The following CACYBP variants were observed in gnomAD, a reference collection of about 807,000 sequenced individuals.
The protein encoded by CACYBP is calcyclin-binding protein.
Under a neutral mutation model 29.6 loss-of-function variants are expected in CACYBP, and 11 were observed. That is an observed-to-expected ratio of 0.37 (90% confidence interval 0.23 to 0.61). The LOEUF is 0.61. Among genes scored for constraint, CACYBP ranks in the 20% least tolerant of loss-of-function variants. CACYBP has a pLI of 0.65. For missense variants in CACYBP, 163 were observed against 260.7 expected (o/e 0.63, Z 2.58); for synonymous variants, 73 against 88.3 (o/e 0.83, Z 0.97).
intron 2 of CACYBP, chr1:175,006,519 A>G: frequency 2.9e-6 from 1 of 343,994 alleles, no homozygotes; most frequent in Non-Finnish European, 5.2e-6. Context: ...CTGGATTTGA[A>G]TCTGAATTCT....
upstream of CACYBP, chr1:174,999,875 C>T: frequency 2.0e-6 from 1 of 512,464 alleles, no homozygotes; most frequent in Non-Finnish European, 3.4e-6. Context: ...GCGGGCGGAG[C>T]CAGACTCGGC....
Position 174,999,958 on chromosome 1 carries a change from C to T in CACYBP, c.-223C>T, listed in dbSNP as rs994999233. On this transcript the variant is annotated 5_prime_UTR_variant, in exon 1 of 6. Transcript: ENST00000367679. Reference sequence around the variant, plus strand: ...GTGGAGCCAGGCTTGGCGGGCTGTGCGTGCTCGCGGTGGGCGGTGGCGGCG... The same window carrying T: ...GTGGAGCCAGGCTTGGCGGGCTGTGTGTGCTCGCGGTGGGCGGTGGCGGCG... The T allele has an allele frequency of 6.8e-5, 42 of 616,234 alleles. No individual in the cohort carries two copies. Among genetic ancestry groups the T allele is most frequent in the African/African-American group, 1.2e-4 (6 of 50,584 alleles). 38.2% of individuals were successfully genotyped at this position (616,234 alleles called of 1,614,324 possible).
At chr1:175,007,042 A>AGTAAGG (rs1672636594) in intron 3 of CACYBP, 56 bp from the exon 4 acceptor site, 1 of 1,237,716 alleles carries the variant, frequency 8.1e-7, no homozygotes, top group Non-Finnish European at 1.2e-6. Flanking sequence ...AGAACTATGG[A>AGTAAGG]GTAAGGGTAC....
chr1:175,010,035 G>T lies in CACYBP; in HGVS notation c.643G>T (p.Val215Leu), dbSNP rs149037309. 1 of 1,613,774 alleles carries T rather than the reference G, an allele frequency of 6.2e-7. No homozygotes were observed. The highest frequency in any genetic ancestry group is 1.1e-5 in the South Asian group (1 of 91,046). ...GAAGCGAACCATTAATAAAGCCTGGGTGGAATCAAGAGAGAAGCAAGCCAA... is the reference window on the plus strand; with the variant it reads ...GAAGCGAACCATTAATAAAGCCTGGTTGGAATCAAGAGAGAAGCAAGCCAA... ...DMKRTINKAWVESREKQAKGD... is the reference protein window; with the variant it reads ...DMKRTINKAWLESREKQAKGD... The change falls in exon 6 of 6, where the codon GTG becomes TTG. Residue 215 changes from valine (V) to leucine (L), a missense_variant. Coordinates refer to ENST00000367679, the MANE Select transcript of CACYBP (RefSeq NM_014412.3).
rs1439435031 is a variant in CACYBP at position 175,010,772 on chromosome 1, T to G, written c.*693T>G. 6.6e-6 allele frequency: 1 copy of G among 152,236 alleles called. No individual in the cohort carries two copies. Among genetic ancestry groups the G allele is most frequent in the East Asian group, 1.9e-4 (1 of 5,194 alleles). 9.4% of individuals were successfully genotyped at this position (152,236 alleles called of 1,614,324 possible). A position where few individuals can be genotyped will look rare whatever the true frequency, so the allele number is the denominator to read the frequency against. ...TAATTTGAAAGCCCGTCTATTCCTA[T>G]GCTCAATAAAGTTAAGTTTTTCTTC... On this transcript the variant is annotated 3_prime_UTR_variant, in exon 6 of 6. Transcript: ENST00000367679.
At chr1:175,008,123 C>T (rs911502947) in intron 4 of CACYBP, among the ~76,000 whole-genome samples, 5 of 152,144 alleles carry the variant, frequency 3.3e-5, no homozygotes, top group Admixed American at 3.3e-4. Flanking sequence ...TCAAATGCCT[C>T]ACCTTGCCCC....
chr1:175,001,671 A>T (rs904086390), intron 1 of CACYBP, among the ~76,000 whole-genome samples: 1 of 152,210 alleles, frequency 6.6e-6, no homozygotes, highest in Non-Finnish European at 1.5e-5. Context: ...CATGCTCTTT[A>T]TGGCTAAATA....
intron 1 of CACYBP, among the ~76,000 whole-genome samples, chr1:175,003,981 A>G (rs547262693): frequency 6.6e-5 from 10 of 152,150 alleles, no homozygotes; most frequent in Non-Finnish European, 1.2e-4. Flanking sequence ...TGTGCAACCA[A>G]CTCCTACACT....
chr1:175,006,559 G>C (rs1672622869), intron 2 of CACYBP, 186 bp from the exon 3 acceptor site: 3 of 450,160 alleles, frequency 6.7e-6, no homozygotes, highest in East Asian at 7.4e-5. Flanking sequence ...GCTTTGGGTA[G>C]AGTACTTAAC....
chr1:174,999,988 C>A lies in CACYBP; in HGVS notation c.-193C>A. 1 of 749,518 alleles carries A rather than the reference C, an allele frequency of 1.3e-6. No individual in the cohort carries two copies. Among genetic ancestry groups the A allele is most frequent in the Non-Finnish European group, 2.1e-6 (1 of 471,942 alleles). The allele number at this position is 749,518 out of a possible 1,614,324, so 46.4% of individuals were successfully genotyped here. A position where few individuals can be genotyped will look rare whatever the true frequency, so the allele number is the denominator to read the frequency against. On this transcript the variant is annotated 5_prime_UTR_variant, in exon 1 of 6. Transcript: ENST00000367679. ...TCGCGGTGGGCGGTGGCGGCGGCTG[C>A]CTCGCGAAGGTTCGAGATCCGTCGC...
intron 1 of CACYBP, among the ~76,000 whole-genome samples, chr1:175,002,207 G>A (rs925275898): frequency 1.3e-5 from 2 of 152,160 alleles, no homozygotes; most frequent in Non-Finnish European, 2.9e-5. Context: ...TTCCAGAGTG[G>A]TTGCATCATA....
intron 1 of CACYBP, among the ~76,000 whole-genome samples, chr1:175,000,935 A>C (rs1395808861): frequency 6.6e-6 from 1 of 152,198 alleles, no homozygotes; most frequent in Admixed American, 6.5e-5. Context: ...GAATGATAGT[A>C]CTTGTATTGC....
intron 4 of CACYBP, among the ~76,000 whole-genome samples, chr1:175,008,141 C>T (rs918638062): frequency 1.3e-5 from 2 of 152,114 alleles, no homozygotes; most frequent in African/African-American, 4.8e-5. Context: ...CCCATACTGC[C>T]TTATACGACT....
At position 175,011,908 on chromosome 1, in the gene CACYBP, A is replaced by T. The variant is rs1428992479; in HGVS notation, c.*1829A>T. 6.6e-6 allele frequency among the ~76,000 whole-genome samples: 1 copy of T among 152,182 alleles called. No homozygotes were observed. Among genetic ancestry groups the T allele is most frequent in the Non-Finnish European group, 1.5e-5 (1 of 68,016 alleles). On this transcript the variant is annotated 3_prime_UTR_variant, in exon 6 of 6. Coordinates refer to ENST00000367679, the MANE Select transcript of CACYBP (RefSeq NM_014412.3). ...CACTTGAGGTCAGGAGTTCAAGACCATCTGGCCAACATGGTGAAACCCTGT... is the reference window on the plus strand; with the variant it reads ...CACTTGAGGTCAGGAGTTCAAGACCTTCTGGCCAACATGGTGAAACCCTGT...
intron 2 of CACYBP, among the ~76,000 whole-genome samples, chr1:175,005,904 A>C (rs1672609480): frequency 6.6e-6 from 1 of 152,066 alleles, no homozygotes; most frequent in South Asian, 2.1e-4. Context: ...TTAATTTTCG[A>C]GGGTACATAG....
chr1:175,001,689 A>G (rs529925088), intron 1 of CACYBP, among the ~76,000 whole-genome samples: 33 of 152,292 alleles, frequency 2.2e-4, no homozygotes, highest in East Asian at 9.6e-4. Context: ...ATAATATTCT[A>G]TTATATGCAT....
At position 175,008,740 on chromosome 1, in the gene CACYBP, G is replaced by C. The variant is rs1478703297; in HGVS notation, c.530+34G>C. ...ACTTCCATTTTTTTAAAGAATTTTA[G>C]TGTATTGTTTGAGATCATGGATTTT... On this transcript the variant is annotated intron_variant, in intron 5 of 5. Coordinates refer to ENST00000367679, the MANE Select transcript of CACYBP (RefSeq NM_014412.3). The C allele has an allele frequency of 8.0e-6, 8 of 1,000,708 alleles. No homozygotes were observed. The Admixed American group carries it at 1.2e-4, about 15-fold the overall frequency. The allele number at this position is 1,000,708 out of a possible 1,614,324, so 62.0% of individuals were successfully genotyped here.
Position 175,007,103 on chromosome 1 carries a change from T to A in CACYBP, c.338T>A (p.Phe113Tyr). Residue 113 changes from phenylalanine to tyrosine, a missense_variant, in exon 4 of 6, where the codon TTT (phenylalanine) becomes TAT (tyrosine). Transcript: ENST00000367679. ...NVQVHFTERS[F>Y]DLLVKNLNGK... ...TATTCACCATTGTGTTGCAGGTCAT[T>A]TGATCTTTTGGTAAAGAATCTAAAT... 1 of 1,590,422 alleles carries A rather than the reference T, an allele frequency of 6.3e-7. No homozygotes were observed. Among genetic ancestry groups the A allele is most frequent in the South Asian group, 1.1e-5 (1 of 90,384 alleles).
rs1672758743 is a variant in CACYBP, at chr1:175,011,610, A to G, written c.*1531A>G. On this transcript the variant is annotated 3_prime_UTR_variant, in exon 6 of 6. Coordinates refer to ENST00000367679, the MANE Select transcript of CACYBP (RefSeq NM_014412.3). Reference sequence around the variant, plus strand: ...CAAACAATGTATTGACAGGATTCCAATAATTAAGAATACTTCATACAAAAA... The same window carrying G: ...CAAACAATGTATTGACAGGATTCCAGTAATTAAGAATACTTCATACAAAAA... 6.6e-6 allele frequency: 1 copy of G among 152,242 alleles called. No individual in the cohort carries two copies. The highest frequency in any genetic ancestry group is 2.4e-5 in the African/African-American group (1 of 41,466). The allele number at this position is 152,242 out of a possible 1,614,324, so 9.4% of individuals were successfully genotyped here.
Sources: allele counts gnomAD v4.1 joint callset (sites outside exome capture counted in the v4.1 genomes callset), GRCh38; gene constraint gnomAD v4.1.1; transcripts MANE v1.5; gene names NCBI Gene and HGNC (gene_info 2026-07-23, HGNC 2026-07-21).